The following THBS1 variants were observed in gnomAD, a reference collection of about 807,000 sequenced individuals.
The protein encoded by THBS1 is thrombospondin-1.
In THBS1, 29 loss-of-function variants were observed where a neutral mutation model predicts 126.1. The ratio of observed to expected loss-of-function variants is 0.23; its 90% confidence interval spans 0.17 to 0.31. The LOEUF is 0.31. Among genes scored for constraint, THBS1 ranks in the 10% least tolerant of loss-of-function variants. The pLI is 1.00. For missense variants in THBS1, 1,198 were observed against 1,545.2 expected (o/e 0.78, Z 3.77); for synonymous variants, 496 against 577.8 (o/e 0.86, Z 2.03).
intron 4 of THBS1, 38 bp downstream of exon 4, chr15:39,583,730 A>C: frequency 6.3e-7 from 1 of 1,589,110 alleles, no homozygotes; most frequent in South Asian, 1.1e-5. Context: ...ATAGGGAATC[A>C]GGGGGAATTC....
At chr15:39,588,340 A>G in intron 9 of THBS1, 122 bp downstream of exon 9, 1 of 1,340,284 alleles carries the variant, frequency 7.5e-7, no homozygotes, top group Non-Finnish European at 1.0e-6. Context: ...CTAGAGAAAC[A>G]AACAGAAGCA....
At position 39,588,947 on chromosome 15, in the gene THBS1, T is replaced by G. The variant is rs753726741; in HGVS notation, c.1646-12T>G. On this transcript the variant is annotated splice_polypyrimidine_tract_variant and intron_variant, in intron 10 of 21. Transcript: ENST00000260356. ...ACCATTTACTGTGACTGTCTCTCTC[T>G]CCTTGTCTCAGATGGATGCCTGTCC... 2 of 1,614,196 alleles carry G rather than the reference T, an allele frequency of 1.2e-6. No homozygotes were observed. The highest frequency in any genetic ancestry group is 1.7e-6 in the Non-Finnish European group (2 of 1,180,034).
rs1890476575 is a variant in THBS1, at chr15:39,597,280, G to GGTTTTTTT, written c.*1911_*1912insGTTTTTTT. On this transcript the variant is annotated 3_prime_UTR_variant, in exon 22 of 22. Coordinates refer to ENST00000260356, the MANE Select transcript of THBS1 (RefSeq NM_003246.4). ...GTTGGTTTTTTCTTTTTTTTGTTTT[G>GGTTTTTTT]TTTTTTTTTTTTTTTTTTTTTGCTT... 2.1e-5 allele frequency: 1 copy of GGTTTTTTT among 48,044 alleles called. No homozygotes were observed. The highest frequency in any genetic ancestry group is 8.0e-5 in the African/African-American group (1 of 12,474). 3.0% of individuals were successfully genotyped at this position (48,044 alleles called of 1,614,324 possible).
rs1378854024 is a variant in THBS1, at chr15:39,589,498, T to C, written c.1926+144T>C. 7.7e-6 allele frequency: 9 copies of C among 1,163,940 alleles called. No individual in the cohort carries two copies. The Admixed American group carries it at 2.6e-4, about 33-fold the overall frequency. 72.1% of individuals were successfully genotyped at this position (1,163,940 alleles called of 1,614,324 possible). A position where few individuals can be genotyped will look rare whatever the true frequency, so the allele number is the denominator to read the frequency against. ...AATGTACGGTCTAGTTTTAGAAACG[T>C]GATTAGAAAATCCATGGTAAATCCT... On this transcript the variant is annotated intron_variant, in intron 12 of 21. Coordinates refer to ENST00000260356, the MANE Select transcript of THBS1 (RefSeq NM_003246.4). This position sits in a 1 kb window ranked among gnomAD's most constrained non-coding sequence, Gnocchi z 4.7.
At chr15:39,583,828 C>A in intron 4 of THBS1, 136 bp downstream of exon 4, 3 of 1,207,262 alleles carry the variant, frequency 2.5e-6, no homozygotes, top group Admixed American at 2.0e-5. Context: ...AGAAGTGACT[C>A]CAAGGGGTAT....
In THBS1 at chr15:39,594,175, G is replaced by T; in HGVS notation, c.3344G>T (p.Arg1115Met). 8.1e-6 allele frequency: 13 copies of T among 1,614,176 alleles called. No individual in the cohort carries two copies. Among genetic ancestry groups the T allele is most frequent in the Non-Finnish European group, 1.1e-5 (13 of 1,180,014 alleles). The change falls in exon 20 of 22, where the codon AGG (arginine) becomes ATG (methionine). Residue 1115 changes from arginine to methionine, a missense_variant. By Grantham distance (91) the Arg-to-Met change is moderately conservative (BLOSUM62 -1). Coordinates refer to ENST00000260356, the MANE Select transcript of THBS1 (RefSeq NM_003246.4). This position sits in a 1 kb window ranked among gnomAD's most constrained non-coding sequence, Gnocchi z 4.4. The stretch of plus-strand genomic sequence containing the variant: ...GCCTACAGATGGCGTCTCAGCCACA[G>T]GCCAAAGACGGGTTTCATTAGGTAC... Reference protein sequence around the residue: ...FTAYRWRLSHRPKTGFIRVVM... With the variant: ...FTAYRWRLSHMPKTGFIRVVM...
chr15:39,582,477 A>C lies in THBS1; in HGVS notation c.352A>C (p.Ser118Arg), dbSNP rs138679887. The C allele has an allele frequency of 1.2e-6, 2 of 1,614,176 alleles. No individual in the cohort carries two copies. Among genetic ancestry groups the C allele is most frequent in the East Asian group, 2.2e-5 (1 of 44,888 alleles). ...ERKDHSGQVF[S>R]VVSNGKAGTL... is the part of the protein sequence containing the mutation. ...GAAAGACCACTCTGGCCAGGTCTTC[A>C]GCGTGGTGTCCAATGGCAAGGCGGG... The change falls in exon 3 of 22, where the codon AGC becomes CGC. Residue 118 changes from serine (S) to arginine (R), a missense_variant. Coordinates refer to ENST00000260356, the MANE Select transcript of THBS1 (RefSeq NM_003246.4).
rs535536167 is a variant in THBS1 at position 39,595,177 on chromosome 15, G to T, written c.3506-185G>T. Among the ~76,000 whole-genome samples, 10 of 152,186 alleles carry T rather than the reference G, an allele frequency of 6.6e-5. No homozygotes were observed. In the East Asian group the frequency reaches 1.9e-3, roughly 29 times the overall value. On this transcript the variant is annotated intron_variant, in intron 21 of 21. Coordinates refer to ENST00000260356, the MANE Select transcript of THBS1 (RefSeq NM_003246.4). ...TGTTCTGGAAGGTTCACGCTGTGTCGGTCTCCTAGCATCAATGTCAGCTAA... is the reference window on the plus strand; with the variant it reads ...TGTTCTGGAAGGTTCACGCTGTGTCTGTCTCCTAGCATCAATGTCAGCTAA...
chr15:39,591,993 A>G lies in THBS1; in HGVS notation c.2532+370A>G, dbSNP rs147282889. ...AAGAGATGGAAAAATAAATGTGCAT[A>G]AGCAAAATAACCATTTTCATGGCTA... On this transcript the variant is annotated intron_variant, in intron 16 of 21. Transcript: ENST00000260356. Among the ~76,000 whole-genome samples, 23 of 152,380 alleles carry G rather than the reference A, an allele frequency of 1.5e-4. No homozygotes were observed. In the East Asian group the frequency reaches 4.4e-3, roughly 29 times the overall value.
rs1373855412 is a variant in THBS1, at chr15:39,596,282, A to G, written c.*913A>G. 1.9e-5 allele frequency: 3 copies of G among 156,260 alleles called. No homozygotes were observed. The highest frequency in any genetic ancestry group is 1.3e-4 in the Admixed American group (2 of 15,868). The allele number at this position is 156,260 out of a possible 1,614,324, so 9.7% of individuals were successfully genotyped here. A position where few individuals can be genotyped will look rare whatever the true frequency, so the allele number is the denominator to read the frequency against. On this transcript the variant is annotated 3_prime_UTR_variant, in exon 22 of 22. Transcript: ENST00000260356. ...TTACAATGGCACAAAATTATTATCA[A>G]CCTAACTAAAACATTCCTTTTCTCT... is the stretch of plus-strand genomic sequence containing the variant.
rs752307452 is a variant in THBS1, at chr15:39,582,500, G to A, written c.375G>A (p.Ala125=). The A allele has an allele frequency of 1.3e-5, 21 of 1,614,014 alleles. No individual in the cohort carries two copies. Among genetic ancestry groups the A allele is most frequent in the Middle Eastern group, 1.6e-4 (1 of 6,084 alleles). Residue 125 remains alanine (A), a synonymous_variant, in exon 3 of 22, where the codon GCG becomes GCA. Transcript: ENST00000260356. ...QVFSVVSNGK[A]GTLDLSLTVQ... is the part of the protein sequence containing the mutation. ...TCAGCGTGGTGTCCAATGGCAAGGC[G>A]GGCACCCTGGACCTCAGCCTGACCG...
rs1268704599 is a variant in THBS1, at chr15:39,588,611, C to T, written c.1557C>T (p.Cys519=). 6.2e-7 allele frequency: 1 copy of T among 1,611,112 alleles called. No individual in the cohort carries two copies. The highest frequency in any genetic ancestry group is 8.5e-7 in the Non-Finnish European group (1 of 1,178,916). ...GGGTACAGAAACGTAGTCGTCTCTGCAACAACCCCACACCCCAGTTTGGAG... is the reference window on the plus strand; with the variant it reads ...GGGTACAGAAACGTAGTCGTCTCTGTAACAACCCCACACCCCAGTTTGGAG... ...GGGVQKRSRL[C]NNPTPQFGGK... is the part of the protein sequence containing the mutation. Residue 519 remains cysteine (C), a synonymous_variant, in exon 10 of 22, where the codon TGC becomes TGT. Coordinates refer to ENST00000260356, the MANE Select transcript of THBS1 (RefSeq NM_003246.4).
intron 8 of THBS1, 116 bp downstream of exon 8, chr15:39,587,636 A>C: frequency 9.0e-7 from 1 of 1,112,174 alleles, no homozygotes; most frequent in South Asian, 1.6e-5. Flanking sequence ...TCTGGATCCC[A>C]ATCCCACTGC....
chr15:39,590,759 T>C (rs1310007803), intron 14 of THBS1, 136 bp downstream of exon 14: 2 of 727,802 alleles, frequency 2.7e-6, no homozygotes, highest in Non-Finnish European at 4.6e-6. Context: ...AAATTATTCA[T>C]TGTGTTCCAG....
rs1890385410 is a variant in THBS1 at position 39,594,149 on chromosome 15, C to T, written c.3318C>T (p.Thr1106=). ...GTCACATAGGCTGGAAAGATTTCAC[C>T]GCCTACAGATGGCGTCTCAGCCACA... ...DPRHIGWKDF[T]AYRWRLSHRP... Residue 1106 remains threonine (T), a synonymous_variant, in exon 20 of 22, where the codon ACC becomes ACT. Transcript: ENST00000260356. This position sits in a 1 kb window ranked among gnomAD's most constrained non-coding sequence, Gnocchi z 4.4. 5 of 1,614,026 alleles carry T rather than the reference C, an allele frequency of 3.1e-6. No homozygotes were observed. The highest frequency in any genetic ancestry group is 2.2e-5 in the East Asian group (1 of 44,894).
At position 39,588,030 on chromosome 15, in the gene THBS1, T is replaced by C; in HGVS notation, c.1295-12T>C. 6.2e-7 allele frequency: 1 copy of C among 1,613,336 alleles called. No individual in the cohort carries two copies. The highest frequency in any genetic ancestry group is 8.5e-7 in the Non-Finnish European group (1 of 1,179,630). ...GCCAAAACCATTTGTGACCATCAACTCTGTACTTTAGTTAAACAGGATGGT... is the reference window on the plus strand; with the variant it reads ...GCCAAAACCATTTGTGACCATCAACCCTGTACTTTAGTTAAACAGGATGGT... On this transcript the variant is annotated splice_polypyrimidine_tract_variant and intron_variant, in intron 8 of 21. Coordinates refer to ENST00000260356, the MANE Select transcript of THBS1 (RefSeq NM_003246.4).
At chr15:39,587,200 A>G in intron 7 of THBS1, 147 bp from the exon 8 acceptor site, 3 of 664,232 alleles carry the variant, frequency 4.5e-6, no homozygotes, top group Non-Finnish European at 4.9e-6. Flanking sequence ...TGTATATAAT[A>G]TTTGTCAATT....
chr15:39,587,028 T>C (rs762061106), intron 7 of THBS1: 19 of 195,346 alleles, frequency 9.7e-5, no homozygotes, highest in African/African-American at 1.4e-4. Context: ...ATGGTGACCA[T>C]AGTTAATAAT....
At position 39,588,184 on chromosome 15, in the gene THBS1, G is replaced by A. The variant is rs780532741; in HGVS notation, c.1437G>A (p.Arg479=). 2 of 1,614,100 alleles carry A rather than the reference G, an allele frequency of 1.2e-6. No homozygotes were observed. Among genetic ancestry groups the A allele is most frequent in the East Asian group, 2.2e-5 (1 of 44,874 alleles). The change falls in exon 9 of 22, where the codon CGG becomes CGA. Residue 479 remains arginine (R), a synonymous_variant. Transcript: ENST00000260356. ...MNGKPCEGEA[R]ETKACKKDAC... ...GGAAACCCTGTGAAGGCGAAGCGCG[G>A]GAGACCAAAGCCTGCAAGAAAGACG...
Sources: allele counts gnomAD v4.1 joint callset (sites outside exome capture counted in the v4.1 genomes callset), GRCh38; gene constraint gnomAD v4.1.1; non-coding constraint Gnocchi (gnomAD v3.1); transcripts MANE v1.5; gene names NCBI Gene and HGNC (gene_info 2026-07-23, HGNC 2026-07-21).